Variants in EYS observed in about 807,000 individuals in gnomAD.
EYS encodes protein eyes shut homolog.
In EYS, 250 loss-of-function variants were observed where a neutral mutation model predicts 282.1. The observed-to-expected ratio is 0.89, with a 90% CI of 0.80 to 0.98. The LOEUF is 0.98. EYS is among the 50% of genes least tolerant of loss of function. The pLI is 0.00. For synonymous variants in EYS, 1,355 were observed against 1,282.9 expected (o/e 1.06, Z -1.20); for missense variants, 4,016 against 3,709.0 (o/e 1.08, Z -2.15).
At chr6:64,802,197 C>G (rs140643016) in intron 22 of EYS, among the ~76,000 whole-genome samples, 7 of 151,494 alleles carry the variant, frequency 4.6e-5, no homozygotes, top group African/African-American at 1.5e-4. Flanking sequence ...CCATGCCCGG[C>G]TAATATTTTT....
chr6:64,957,905 T>C (rs1769765346), intron 14 of EYS, among the ~76,000 whole-genome samples: 1 of 152,152 alleles, frequency 6.6e-6, no homozygotes, highest in Admixed American at 6.5e-5. Flanking sequence ...CCTACTTAAA[T>C]AGTTCATTTA....
intron 34 of EYS, among the ~76,000 whole-genome samples, chr6:63,989,491 C>T (rs1472592053): frequency 1.3e-5 from 2 of 151,616 alleles, no homozygotes; most frequent in Non-Finnish European, 3.0e-5. Flanking sequence ...CTCTCCCTCT[C>T]TTTATCTTAC....
intron 14 of EYS, among the ~76,000 whole-genome samples, chr6:64,947,653 CTTTTTTTTTTT>C (rs67440131): frequency 7.7e-6 from 1 of 129,310 alleles, no homozygotes; most frequent in African/African-American, 2.8e-5. Flanking sequence ...CTTATTTTTT[CTTTTTTTTTTT>C]TTTTGTAAAC....
At chr6:64,202,424 G>C (rs1765485197) in intron 31 of EYS, among the ~76,000 whole-genome samples, 1 of 151,574 alleles carries the variant, frequency 6.6e-6, no homozygotes, top group African/African-American at 2.4e-5. Context: ...TTATTTTTTA[G>C]AAAAAAACGA....
intron 12 of EYS, among the ~76,000 whole-genome samples, chr6:65,113,173 C>G (rs1292808926): frequency 6.6e-6 from 1 of 152,110 alleles, no homozygotes; most frequent in East Asian, 1.9e-4. Context: ...GCCCATCTCT[C>G]TAGGGATCAG....
intron 13 of EYS, among the ~76,000 whole-genome samples, chr6:65,028,893 A>G (rs1420507670): frequency 6.6e-6 from 1 of 152,132 alleles, no homozygotes; most frequent in Non-Finnish European, 1.5e-5. Flanking sequence ...ATTTTCTGCT[A>G]TAAGGAAGAG....
chr6:65,354,592 G>T (rs969752174), intron 8 of EYS, among the ~76,000 whole-genome samples: 1 of 152,104 alleles, frequency 6.6e-6, no homozygotes, highest in African/African-American at 2.4e-5. Context: ...AAGGCGGGCG[G>T]ATTACCTGAG....
At chr6:65,233,175 T>C (rs767265087) in intron 12 of EYS, among the ~76,000 whole-genome samples, 1 of 152,178 alleles carries the variant, frequency 6.6e-6, no homozygotes, top group Non-Finnish European at 1.5e-5. Flanking sequence ...GTAGGCCCCA[T>C]CAAAGACAGT....
rs186304863 is a variant in EYS, at chr6:64,298,505, G to A, written c.6191+8465C>T. Among the ~76,000 whole-genome samples, 26 of 152,026 alleles carry A rather than the reference G, an allele frequency of 1.7e-4. No homozygotes were observed. In the East Asian group the frequency reaches 1.7e-3, roughly 10 times the overall value. ...TGTTAATGACTTTAGGCTGTTAATC[G>A]CATGGTAACTACAAAGAAAATAGCT... On this transcript the variant is annotated intron_variant, in intron 30 of 42. Coordinates refer to ENST00000503581, the MANE Select transcript of EYS (RefSeq NM_001142800.2).
At chr6:64,244,396 A>G (rs1020215816) in intron 30 of EYS, among the ~76,000 whole-genome samples, 1 of 152,158 alleles carries the variant, frequency 6.6e-6, no homozygotes, top group African/African-American at 2.4e-5. Flanking sequence ...TCAGTTCTGT[A>G]GGAAACTTGT....
At chr6:64,541,409 C>T (rs1764692314) in intron 26 of EYS, among the ~76,000 whole-genome samples, 1 of 152,154 alleles carries the variant, frequency 6.6e-6, no homozygotes, top group Admixed American at 6.5e-5. Flanking sequence ...ATTTTTCTAA[C>T]TTTACCTTTT....
chr6:65,504,223 A>T (rs1480370258), intron 2 of EYS, among the ~76,000 whole-genome samples: 1 of 151,568 alleles, frequency 6.6e-6, no homozygotes, highest in African/African-American at 2.4e-5. Context: ...AAATGGTATT[A>T]TTTTTCCTTT....
chr6:65,694,389 A>ATTT (rs1380923719), intron 1 of EYS, among the ~76,000 whole-genome samples: 1 of 116,504 alleles, frequency 8.6e-6, no homozygotes, highest in Non-Finnish European at 2.1e-5. Flanking sequence ...TTGATTCTTC[A>ATTT]TATTTTTTTT....
chr6:64,745,290 C>T (rs1772517527), intron 22 of EYS, among the ~76,000 whole-genome samples: 1 of 151,964 alleles, frequency 6.6e-6, no homozygotes, highest in African/African-American at 2.4e-5. Flanking sequence ...AAAGTCAGTA[C>T]ATAAATGTCA....
intron 13 of EYS, among the ~76,000 whole-genome samples, chr6:65,013,239 CA>C (rs1464463024): frequency 6.6e-6 from 1 of 152,104 alleles, no homozygotes; most frequent in Non-Finnish European, 1.5e-5. Context: ...TAATCTATTA[CA>C]TAGCTGAACA....
chr6:63,868,556 G>A (rs909582578), intron 35 of EYS, among the ~76,000 whole-genome samples: 3 of 152,138 alleles, frequency 2.0e-5, no homozygotes, highest in Non-Finnish European at 4.4e-5. Context: ...AGGAAAGAGT[G>A]CAGAAATGAA....
At chr6:64,972,956 T>C (rs1400026018) in intron 14 of EYS, among the ~76,000 whole-genome samples, 1 of 152,058 alleles carries the variant, frequency 6.6e-6, no homozygotes, top group African/African-American at 2.4e-5. Context: ...AATTAATAAG[T>C]GATTGAGAAG....
intron 24 of EYS, among the ~76,000 whole-genome samples, chr6:64,597,159 AATG>A (rs1265581506): frequency 1.3e-5 from 2 of 152,208 alleles, no homozygotes; most frequent in African/African-American, 4.8e-5. Context: ...TTAAAACTGC[AATG>A]AGATATTATC....
intron 22 of EYS, among the ~76,000 whole-genome samples, chr6:64,739,265 G>A (rs1443924630): frequency 6.6e-6 from 1 of 152,132 alleles, no homozygotes; most frequent in Non-Finnish European, 1.5e-5. Context: ...CTCACATTAA[G>A]AAATTAAAAC....
Sources: gnomAD v4.1 joint callset for allele counts (sites outside exome capture counted in the v4.1 genomes callset) on GRCh38, gnomAD v4.1.1 for gene constraint, MANE v1.5 for transcripts, NCBI Gene and HGNC (gene_info 2026-07-23, HGNC 2026-07-21) for gene names.